The following CEP57L1 variants were observed in gnomAD, a reference collection of about 807,000 sequenced individuals.
CEP57L1 encodes centrosomal protein 57 like 1.
CEP57L1 carries 37 observed loss-of-function variants against 61.0 expected under a neutral mutation model. The observed-to-expected ratio is 0.61, with a 90% CI of 0.47 to 0.80. The LOEUF (loss-of-function observed/expected upper bound fraction) is 0.80, where lower values mean the gene tolerates loss of function less well. Ranked by LOEUF, CEP57L1 falls within the 30% of genes least tolerant of loss-of-function variation. The pLI, the probability that CEP57L1 is intolerant of heterozygous loss-of-function variation, is 0.00. For synonymous variants in CEP57L1, 137 were observed against 162.3 expected, an observed-to-expected ratio of 0.84 and a Z score of 1.19; for missense variants, 422 against 524.7, an observed-to-expected ratio of 0.80 and a Z score of 1.91.
At chr6:109,137,868 C>T (rs1770917304) in intron 1 of CEP57L1, among the ~76,000 whole-genome samples, 1 of 152,032 alleles carries the variant, frequency 6.6e-6, no homozygotes, top group Non-Finnish European at 1.5e-5. Flanking sequence ...AAATGGGATA[C>T]AAAGTGCTAA....
intron 1 of CEP57L1, among the ~76,000 whole-genome samples, chr6:109,142,712 A>G (rs913971465): frequency 6.6e-6 from 1 of 152,040 alleles, no homozygotes; most frequent in African/African-American, 2.4e-5. Flanking sequence ...GAAGACACCT[A>G]TAAAATGTTC....
intron 1 of CEP57L1, among the ~76,000 whole-genome samples, chr6:109,105,149 G>T (rs1770774775): frequency 1.3e-5 from 2 of 151,804 alleles, no homozygotes; most frequent in Non-Finnish European, 2.9e-5. Context: ...CTTTTTTAAA[G>T]ATATCATCAA....
chr6:109,153,795 CA>C (rs1562134898), intron 4 of CEP57L1, 37 bp from the exon 5 acceptor site: 3 of 1,243,920 alleles, frequency 2.4e-6, no homozygotes, highest in Non-Finnish European at 3.5e-6. Flanking sequence ...CATTACTTGC[CA>C]AATTCAGGGT....
chr6:109,155,753 A>G, intron 6 of CEP57L1, 38 bp from the exon 7 acceptor site: 1 of 1,060,346 alleles, frequency 9.4e-7, no homozygotes. Flanking sequence ...TTTGCATGTT[A>G]CAAATCAATG....
At chr6:109,103,396 A>G (rs1354726705) in intron 1 of CEP57L1, among the ~76,000 whole-genome samples, 2 of 152,122 alleles carry the variant, frequency 1.3e-5, no homozygotes, top group Non-Finnish European at 2.9e-5. Context: ...TTGAATCTGT[A>G]TATTTTATTT....
At chr6:109,141,562 T>A (rs1193270238) in intron 1 of CEP57L1, among the ~76,000 whole-genome samples, 2 of 152,138 alleles carry the variant, frequency 1.3e-5, no homozygotes, top group Admixed American at 1.3e-4. Flanking sequence ...GTTACATTCG[T>A]GTATTTACTA....
chr6:109,095,299 C>T, upstream of CEP57L1: 1 of 985,956 alleles, frequency 1.0e-6, no homozygotes, highest in Non-Finnish European at 1.2e-6. Flanking sequence ...AAAACAAGCA[C>T]GACAAAGAAA....
intron 1 of CEP57L1, chr6:109,129,351 G>A (rs1426660809): frequency 5.0e-6 from 6 of 1,205,760 alleles, no homozygotes; most frequent in Admixed American, 2.8e-5. Flanking sequence ...ATAGACTGCC[G>A]ACATTCTGGG....
intron 1 of CEP57L1, among the ~76,000 whole-genome samples, chr6:109,097,755 AG>A (rs1781882356): frequency 6.6e-6 from 1 of 152,254 alleles, no homozygotes; most frequent in Non-Finnish European, 1.5e-5. Context: ...CCAGGATGTG[AG>A]GGGCAAGGTT....
chr6:109,103,402 T>G lies in CEP57L1; in HGVS notation c.-4+7827T>G, dbSNP rs550962290. On this transcript the variant is annotated intron_variant, in intron 1 of 10. Transcript: ENST00000517392. Reference sequence around the variant, plus strand: ...GCTCTTAATTTGAATCTGTATATTTTATTTTTAAGTTTTCCTTAACAAGGT... The same window carrying G: ...GCTCTTAATTTGAATCTGTATATTTGATTTTTAAGTTTTCCTTAACAAGGT... 1.9e-3 allele frequency among the ~76,000 whole-genome samples: 297 copies of G among 152,328 alleles called. 1 individual carries two copies. The highest frequency in any genetic ancestry group is 6.8e-3 in the African/African-American group (282 of 41,572).
intron 1 of CEP57L1, among the ~76,000 whole-genome samples, chr6:109,109,844 C>T (rs1054922194): frequency 1.3e-5 from 2 of 152,194 alleles, no homozygotes; most frequent in African/African-American, 4.8e-5. Context: ...CCAGCATCAT[C>T]CATGTCCCTG....
chr6:109,101,154 C>T (rs1361370196), intron 1 of CEP57L1, among the ~76,000 whole-genome samples: 1 of 152,088 alleles, frequency 6.6e-6, no homozygotes, highest in Non-Finnish European at 1.5e-5. Context: ...TGCAACATAT[C>T]AATAGATGTT....
chr6:109,125,767 A>G (rs953909144), intron 1 of CEP57L1, among the ~76,000 whole-genome samples: 4 of 151,694 alleles, frequency 2.6e-5, no homozygotes, highest in African/African-American at 9.7e-5. Context: ...AAGTTCAACA[A>G]AAATAAGGAT....
At chr6:109,104,652 G>C (rs1024467512) in intron 1 of CEP57L1, among the ~76,000 whole-genome samples, 9 of 152,110 alleles carry the variant, frequency 5.9e-5, no homozygotes, top group African/African-American at 2.2e-4. Context: ...CACAATCACA[G>C]CCCACTGCAA....
chr6:109,158,528 C>T, intron 7 of CEP57L1: 2 of 408,826 alleles, frequency 4.9e-6, no homozygotes, highest in East Asian at 7.6e-5. Flanking sequence ...AGGTTTTTAG[C>T]TATTACAAAT....
intron 1 of CEP57L1, among the ~76,000 whole-genome samples, chr6:109,116,120 A>ATTTTATTTTATTTTATTTTATTTTATTT (rs1371123326): frequency 5.9e-4 from 80 of 136,368 alleles, no homozygotes; most frequent in African/African-American, 2.3e-3. Context: ...ATTTTATGTT[A>ATTTTATTTTATTTTATTTTATTTTATTT]TGTGTTGTGT....
chr6:109,119,895 A>G (rs1050469552), intron 1 of CEP57L1, among the ~76,000 whole-genome samples: 4 of 152,176 alleles, frequency 2.6e-5, no homozygotes, highest in Non-Finnish European at 5.9e-5. Context: ...ACTGGATATA[A>G]TGTAGTTTTT....
chr6:109,123,216 T>TATC (rs778479623), intron 1 of CEP57L1, among the ~76,000 whole-genome samples: 31 of 152,006 alleles, frequency 2.0e-4, no homozygotes, highest in Non-Finnish European at 4.0e-4. Context: ...TCTTTGTTTT[T>TATC]ATTATTATTA....
intron 1 of CEP57L1, among the ~76,000 whole-genome samples, chr6:109,134,673 C>T (rs1774615636): frequency 6.6e-6 from 1 of 152,232 alleles, no homozygotes; most frequent in Non-Finnish European, 1.5e-5. Context: ...CCCATCGTCT[C>T]AGCCCAAAAT....
Sources: allele counts gnomAD v4.1 joint callset (sites outside exome capture counted in the v4.1 genomes callset), GRCh38; gene constraint gnomAD v4.1.1; transcripts MANE v1.5; gene names NCBI Gene and HGNC (gene_info 2026-07-23, HGNC 2026-07-21).